MYRFL: variants seen among roughly 807,000 people sequenced by gnomAD.
MYRFL encodes myelin regulatory factor like.
MYRFL carries 88 observed loss-of-function variants against 109.4 expected under a neutral mutation model. That is an observed-to-expected ratio of 0.80 (90% CI 0.68 to 0.96). MYRFL has a LOEUF of 0.96. Among genes scored for constraint, MYRFL ranks in the 40% least tolerant of loss-of-function variants. MYRFL has a pLI of 0.00. For synonymous variants in MYRFL, 324 were observed against 320.9 expected, an observed-to-expected ratio of 1.01 and a Z score of -0.10; for missense variants, 957 against 954.9, an observed-to-expected ratio of 1.00 and a Z score of -0.03.
chr12:69,924,766 T>C (rs1955020806), intron 13 of MYRFL, among the ~76,000 whole-genome samples: 1 of 151,996 alleles, frequency 6.6e-6, no homozygotes, highest in Admixed American at 6.6e-5. Flanking sequence ...ACAAGTATGA[T>C]TTTTTTTGTT....
rs139390694 is a variant in MYRFL, at chr12:69,832,849, A to G, written c.46+7286A>G. On this transcript the variant is annotated intron_variant, in intron 1 of 24. Coordinates refer to ENST00000552032, the MANE Select transcript of MYRFL (RefSeq NM_182530.3). Reference sequence around the variant, plus strand: ...GGTGGGACGTGGGTGTGAGGAAGACAGAGGAATCTGTTTAGGATGATGCCT... The same window carrying G: ...GGTGGGACGTGGGTGTGAGGAAGACGGAGGAATCTGTTTAGGATGATGCCT... Among the ~76,000 whole-genome samples, 353 of 152,128 alleles carry G rather than the reference A, an allele frequency of 2.3e-3. 3 individuals are homozygous for G. Among genetic ancestry groups the G allele is most frequent in the South Asian group, 9.8e-3 (47 of 4,818 alleles).
rs1053861470 is a variant in MYRFL, at chr12:69,859,422, G to A, written c.137+4052G>A. Among the ~76,000 whole-genome samples, 6 of 152,188 alleles carry A rather than the reference G, an allele frequency of 3.9e-5. No homozygotes were observed. In the East Asian group the frequency reaches 5.8e-4, roughly 15 times the overall value. Reference sequence around the variant, plus strand: ...ATTGCTTTCTACTAATTTTATCTACGACAGTGACAGAAATGTTGAAGTCTT... The same window carrying A: ...ATTGCTTTCTACTAATTTTATCTACAACAGTGACAGAAATGTTGAAGTCTT... On this transcript the variant is annotated intron_variant, in intron 2 of 24. Transcript: ENST00000552032.
chr12:69,910,052 G>A lies in MYRFL; in HGVS notation c.1467G>A (p.Met489Ile), dbSNP rs1245728995. 2 of 1,533,438 alleles carry A rather than the reference G, an allele frequency of 1.3e-6. No individual in the cohort carries two copies. The highest frequency in any genetic ancestry group is 2.4e-5 in the South Asian group (2 of 83,516). 95.0% of individuals were successfully genotyped at this position (1,533,438 alleles called of 1,614,324 possible). The change falls in exon 12 of 25, where the codon ATG (methionine) becomes ATA (isoleucine). Residue 489 changes from methionine (M) to isoleucine (I), a missense_variant. By Grantham distance (10) the Met-to-Ile change is conservative. Transcript: ENST00000552032. ...ACAAACCTGAATTTGCATCTGCAAT[G>A]GGAATAAACACTGCCCATCAAACAG... Reference protein sequence around the residue: ...YDYKPEFASAMGINTAHQTGM... With the variant: ...YDYKPEFASAIGINTAHQTGM...
chr12:69,846,106 CTTTTTTTTTT>C (rs60251292), intron 1 of MYRFL, among the ~76,000 whole-genome samples: 43 of 61,726 alleles, frequency 7.0e-4, no homozygotes, highest in South Asian at 9.1e-4. Flanking sequence ...TATTGACTAT[CTTTTTTTTTT>C]TTTTTTTTTT....
chr12:69,952,410 A>G (rs188668007), intron 20 of MYRFL, among the ~76,000 whole-genome samples: 67 of 152,288 alleles, frequency 4.4e-4, no homozygotes, highest in African/African-American at 1.5e-3. Flanking sequence ...TTCATAATTT[A>G]TTTGAACTTC....
intron 1 of MYRFL, among the ~76,000 whole-genome samples, chr12:69,851,290 C>T (rs1261750030): frequency 6.6e-6 from 1 of 152,204 alleles, no homozygotes; most frequent in East Asian, 1.9e-4. Flanking sequence ...ATCTCAGCAT[C>T]ATGCAATATA....
rs1392559070 is a variant in MYRFL, at chr12:69,958,491, T to A, written c.2693T>A (p.Phe898Tyr). ...STDPYFAGIFFTDYFFYFYRR... is the reference protein window; with the variant it reads ...STDPYFAGIFYTDYFFYFYRR... ...GATCCTTATTTTGCTGGGATATTCT[T>A]CACCGATTACTTCTTTTACTTCTAT... Residue 898 changes from phenylalanine (F) to tyrosine (Y), a missense_variant, in exon 25 of 25, where the codon TTC becomes TAC. Coordinates refer to ENST00000552032, the MANE Select transcript of MYRFL (RefSeq NM_182530.3). The A allele has an allele frequency of 6.5e-7, 1 of 1,535,522 alleles. No homozygotes were observed. The highest frequency in any genetic ancestry group is 1.4e-5 in the African/African-American group (1 of 73,022).
At chr12:69,825,776 T>C (rs1882237540) in intron 1 of MYRFL, among the ~76,000 whole-genome samples, 1 of 152,124 alleles carries the variant, frequency 6.6e-6, no homozygotes, top group South Asian at 2.1e-4. Context: ...AGGATTTTCA[T>C]CTTATAGTTT....
intron 1 of MYRFL, among the ~76,000 whole-genome samples, chr12:69,853,018 C>T (rs557823954): frequency 8.5e-5 from 13 of 152,374 alleles, no homozygotes; most frequent in Non-Finnish European, 1.6e-4. Context: ...TCTGATTTCT[C>T]TTTCTTTTCC....
At chr12:69,952,239 T>A in intron 20 of MYRFL, 64 bp downstream of exon 20, 1 of 1,409,120 alleles carries the variant, frequency 7.1e-7, no homozygotes, top group Non-Finnish European at 9.7e-7. Context: ...TAACAAGTTG[T>A]AAAAGCATTG....
At chr12:69,832,712 A>G (rs1182799588) in intron 1 of MYRFL, among the ~76,000 whole-genome samples, 1 of 151,992 alleles carries the variant, frequency 6.6e-6, no homozygotes, top group African/African-American at 2.4e-5. Flanking sequence ...GTGAGGTGGA[A>G]GCGCTTGAAG....
chr12:69,853,301 G>A (rs542185877), intron 1 of MYRFL, among the ~76,000 whole-genome samples: 1 of 151,168 alleles, frequency 6.6e-6, no homozygotes, highest in South Asian at 2.1e-4. Flanking sequence ...GGGCAGAGAC[G>A]CTCCTCACTT....
chr12:69,921,569 A>C (rs1046906739), intron 13 of MYRFL, among the ~76,000 whole-genome samples: 1 of 152,196 alleles, frequency 6.6e-6, no homozygotes, highest in East Asian at 1.9e-4. Flanking sequence ...TTTCAGTAAG[A>C]GTCAACCCCT....
chr12:69,873,277 T>C (rs1885463070), intron 2 of MYRFL, among the ~76,000 whole-genome samples: 1 of 152,090 alleles, frequency 6.6e-6, no homozygotes, highest in Non-Finnish European at 1.5e-5. Context: ...AAAAATCTCA[T>C]AACGTTTTTT....
At position 69,936,963 on chromosome 12, in the gene MYRFL, T is replaced by TA. The variant is rs1475696352; in HGVS notation, c.2224+337dup. On this transcript the variant is annotated intron_variant, in intron 19 of 24. Transcript: ENST00000552032. ...GGATTTTTTGGGCTCATTTAGAGTT[T>TA]AAAAAATGATGTGGTATCTGGGCTC... Among the ~76,000 whole-genome samples, 3 of 152,270 alleles carry TA rather than the reference T, an allele frequency of 2.0e-5. No individual in the cohort carries two copies. The East Asian group carries it at 5.8e-4, about 29-fold the overall frequency.
intron 1 of MYRFL, among the ~76,000 whole-genome samples, chr12:69,848,835 A>G (rs1414426258): frequency 6.6e-6 from 1 of 152,182 alleles, no homozygotes; most frequent in Non-Finnish European, 1.5e-5. Context: ...CTAATTTTCT[A>G]AATCATTAAA....
At chr12:69,826,676 C>G (rs1592666396) in intron 1 of MYRFL, among the ~76,000 whole-genome samples, 1 of 152,026 alleles carries the variant, frequency 6.6e-6, no homozygotes, top group African/African-American at 2.4e-5. Flanking sequence ...CAGCTTGTTA[C>G]AATTATCTGA....
chr12:69,934,247 G>A (rs540594223), intron 16 of MYRFL, among the ~76,000 whole-genome samples: 1 of 152,314 alleles, frequency 6.6e-6, no homozygotes, highest in East Asian at 1.9e-4. Context: ...GAGCACATGA[G>A]AGAGTGAGTG....
chr12:69,850,385 T>G, intron 1 of MYRFL, among the ~76,000 whole-genome samples: 1 of 151,750 alleles, frequency 6.6e-6, no homozygotes, highest in African/African-American at 2.4e-5. Flanking sequence ...AATATTAATT[T>G]TACTTGAATT....
Sources: gnomAD v4.1 joint callset for allele counts (sites outside exome capture counted in the v4.1 genomes callset) on GRCh38, gnomAD v4.1.1 for gene constraint, MANE v1.5 for transcripts, NCBI Gene and HGNC (gene_info 2026-07-23, HGNC 2026-07-21) for gene names.